Variants in ZDHHC15 observed in about 807,000 individuals in gnomAD.
The protein encoded by ZDHHC15 is zDHHC palmitoyltransferase 15, also known as palmitoyltransferase ZDHHC15.
ZDHHC15 carries 19 observed loss-of-function variants against 31.7 expected under a neutral mutation model. The observed-to-expected ratio is 0.60, with a 90% CI of 0.42 to 0.88. The LOEUF (loss-of-function observed/expected upper bound fraction) is 0.88. Among genes scored for constraint, ZDHHC15 ranks in the 40% least tolerant of loss-of-function variants. The pLI is 0.00. For missense variants in ZDHHC15, 209 were observed against 251.2 expected (o/e 0.83, Z 1.14); for synonymous variants, 103 against 90.0 (o/e 1.14, Z -0.82).
intron 3 of ZDHHC15, among the ~76,000 whole-genome samples, chrX:75,463,999 G>A (rs1182848330): frequency 3.6e-5 from 4 of 111,582 alleles, no homozygotes; most frequent in South Asian, 3.8e-4. Context: ...TGTTTATTGC[G>A]GCACTATTCA....
intron 10 of ZDHHC15, among the ~76,000 whole-genome samples, chrX:75,383,898 C>G (rs1168506801): frequency 1.0e-5 from 1 of 97,908 alleles, no homozygotes; most frequent in African/African-American, 3.7e-5. Context: ...CCCACCACAC[C>G]CAGCTAATTT....
chrX:75,470,163 C>T (rs2084481240), intron 3 of ZDHHC15, among the ~76,000 whole-genome samples: 1 of 111,197 alleles, frequency 9.0e-6, no homozygotes. Flanking sequence ...TGAGTAAGCA[C>T]CATCTAATCA....
chrX:75,387,582 T>C (rs1285923090), intron 10 of ZDHHC15, among the ~76,000 whole-genome samples: 1 of 110,735 alleles, frequency 9.0e-6, no homozygotes, highest in African/African-American at 3.3e-5. Context: ...AAAGAATCAG[T>C]GAGCTCAAAG....
rs755451704 is a variant in ZDHHC15, at chrX:75,427,467, C to A, written c.603+1611G>T. ...TTTGATTATTGGCTGACTAGGTGGGCTAAAGGCAAAATGTGTGAAATGTAA... is the reference window on the plus strand; with the variant it reads ...TTTGATTATTGGCTGACTAGGTGGGATAAAGGCAAAATGTGTGAAATGTAA... On this transcript the variant is annotated intron_variant, in intron 7 of 11. Transcript: ENST00000373367. 5.4e-5 allele frequency among the ~76,000 whole-genome samples: 6 copies of A among 111,376 alleles called. No homozygotes were observed. The South Asian group carries it at 1.5e-3, about 28-fold the overall frequency.
intron 3 of ZDHHC15, among the ~76,000 whole-genome samples, chrX:75,457,796 TAAC>T (rs960245426): frequency 2.0e-4 from 22 of 110,978 alleles, no homozygotes; most frequent in African/African-American, 6.5e-4. Context: ...ATAATACAAA[TAAC>T]AAACAATACA....
At chrX:75,499,346 C>T (rs1479019179) in intron 2 of ZDHHC15, among the ~76,000 whole-genome samples, 1 of 111,718 alleles carries the variant, frequency 9.0e-6, no homozygotes, top group South Asian at 3.7e-4. Flanking sequence ...AGAAAATCTA[C>T]AGAATGGGAA....
At chrX:75,464,632 C>A (rs993372605) in intron 3 of ZDHHC15, among the ~76,000 whole-genome samples, 6 of 111,091 alleles carry the variant, frequency 5.4e-5, no homozygotes, top group Non-Finnish European at 1.1e-4. Context: ...GTGGCTTCAT[C>A]CCCAGATACA....
chrX:75,412,810 T>G (rs778893742), intron 10 of ZDHHC15, among the ~76,000 whole-genome samples: 1 of 111,816 alleles, frequency 8.9e-6, no homozygotes, highest in Non-Finnish European at 1.9e-5. Flanking sequence ...TTAAGTGGTA[T>G]AAGCCAGACA....
chrX:75,462,595 T>G (rs2084335748), intron 3 of ZDHHC15, among the ~76,000 whole-genome samples: 1 of 111,931 alleles, frequency 8.9e-6, no homozygotes, highest in Admixed American at 9.5e-5. Context: ...CATAATAAAT[T>G]AGAGCTCAAG....
chrX:75,460,547 G>T (rs2084296413), intron 3 of ZDHHC15, among the ~76,000 whole-genome samples: 1 of 109,948 alleles, frequency 9.1e-6, no homozygotes. Flanking sequence ...CCAGAAACAG[G>T]TCATTACCCC....
At chrX:75,490,322 G>C (rs912599358) in intron 2 of ZDHHC15, among the ~76,000 whole-genome samples, 1 of 111,681 alleles carries the variant, frequency 9.0e-6, no homozygotes, top group Non-Finnish European at 1.9e-5. Context: ...AGGAAAATAT[G>C]TTAAGGGCAG....
chrX:75,473,907 TG>T (rs2084544962), intron 3 of ZDHHC15, among the ~76,000 whole-genome samples: 1 of 112,046 alleles, frequency 8.9e-6, no homozygotes, highest in Non-Finnish European at 1.9e-5. Flanking sequence ...TAATAGCATT[TG>T]GTTTGGGTAT....
intron 6 of ZDHHC15, 107 bp from the exon 7 acceptor site, chrX:75,429,305 A>T: frequency 2.1e-6 from 2 of 974,203 alleles, no homozygotes; most frequent in Non-Finnish European, 2.8e-6. Context: ...CTGCTTCATT[A>T]TGTGTCGTGT....
chrX:75,414,405 G>A, intron 10 of ZDHHC15, among the ~76,000 whole-genome samples: 1 of 97,661 alleles, frequency 1.0e-5, no homozygotes. Context: ...TACCTAACAG[G>A]TTATTGTTAG....
intron 10 of ZDHHC15, among the ~76,000 whole-genome samples, chrX:75,390,598 C>A (rs955174762): frequency 8.9e-6 from 1 of 111,831 alleles, no homozygotes; most frequent in Non-Finnish European, 1.9e-5. Context: ...TTATCCAACA[C>A]CACCAAGATG....
intron 3 of ZDHHC15, among the ~76,000 whole-genome samples, chrX:75,475,535 A>G (rs2084590913): frequency 8.9e-6 from 1 of 112,130 alleles, no homozygotes; most frequent in Non-Finnish European, 1.9e-5. Flanking sequence ...CCAAATATGC[A>G]AGTGTTTGTT....
intron 10 of ZDHHC15, among the ~76,000 whole-genome samples, chrX:75,412,589 G>A (rs768591137): frequency 1.8e-5 from 2 of 110,606 alleles, no homozygotes; most frequent in East Asian, 2.8e-4. Context: ...GTGCCACCAC[G>A]CCCGGCTAAT....
intron 4 of ZDHHC15, among the ~76,000 whole-genome samples, chrX:75,433,400 C>A (rs1489464226): frequency 3.6e-5 from 4 of 110,682 alleles, no homozygotes; most frequent in Non-Finnish European, 7.6e-5. Context: ...AAACACTGTA[C>A]CCAGCATGTA....
chrX:75,386,996 A>C (rs145893137), intron 10 of ZDHHC15, among the ~76,000 whole-genome samples: 41 of 111,378 alleles, frequency 3.7e-4, no homozygotes, highest in Middle Eastern at 9.2e-3. Context: ...TAATGGATAG[A>C]GGTCATATAA....
Sources: allele counts gnomAD v4.1 joint callset (sites outside exome capture counted in the v4.1 genomes callset), GRCh38; gene constraint gnomAD v4.1.1; transcripts MANE v1.5; gene names NCBI Gene and HGNC (gene_info 2026-07-23, HGNC 2026-07-21).